The following CHRM3 variants were observed in gnomAD, a reference collection of about 807,000 sequenced individuals.
CHRM3 encodes the protein muscarinic acetylcholine receptor M3.
A neutral mutation model predicts 41.8 loss-of-function variants in CHRM3; 11 were observed. That is an observed-to-expected ratio of 0.26 (90% CI 0.17 to 0.44). CHRM3 has a LOEUF of 0.44. Among genes scored for constraint, CHRM3 ranks in the 20% least tolerant of loss-of-function variants. The pLI, the probability that CHRM3 is intolerant of heterozygous loss-of-function variation, is 1.00. For missense variants in CHRM3, 571 were observed against 745.4 expected (o/e 0.77, Z 2.72); for synonymous variants, 297 against 301.4 (o/e 0.99, Z 0.15).
At position 239,910,923 on chromosome 1, in the gene CHRM3, C is replaced by T. The variant is rs868668093; in HGVS notation, c.*1699C>T. 5.4e-5 allele frequency: 9 copies of T among 166,938 alleles called. No homozygotes were observed. Among genetic ancestry groups the T allele is most frequent in the African/African-American group, 1.4e-4 (6 of 41,392 alleles). 10.3% of individuals were successfully genotyped at this position (166,938 alleles called of 1,614,324 possible). On this transcript the variant is annotated 3_prime_UTR_variant, in exon 7 of 7. Coordinates refer to ENST00000676153, the MANE Select transcript of CHRM3 (RefSeq NM_001375978.1). ...TCTGTGTATCTGAACTATTTAATTT[C>T]GTGTTATGTTTATATGCAGAAATAT... is the stretch of plus-strand genomic sequence containing the variant.
intron 6 of CHRM3, among the ~76,000 whole-genome samples, chr1:239,839,045 C>T (rs1673566017): frequency 6.6e-6 from 1 of 152,200 alleles, no homozygotes; most frequent in Non-Finnish European, 1.5e-5. Context: ...TCCTCAAATA[C>T]ACAAAATCCA....
rs543025880 is a variant in CHRM3 at position 239,604,472 on chromosome 1, A to C, written c.-312-27752A>C. On this transcript the variant is annotated intron_variant, in intron 3 of 6. Transcript: ENST00000676153. ...TATGACTGAAATTATTGAGAAATGG[A>C]AAGATTGTCTATAGTATCCCACTGT... 3.3e-5 allele frequency among the ~76,000 whole-genome samples: 5 copies of C among 152,342 alleles called. No individual in the cohort carries two copies. The South Asian group carries it at 1.0e-3, about 32-fold the overall frequency.
chr1:239,415,411 G>C (rs942096541), intron 1 of CHRM3, among the ~76,000 whole-genome samples: 4 of 152,150 alleles, frequency 2.6e-5, no homozygotes, highest in African/African-American at 9.7e-5. Context: ...CTGTGCTCCA[G>C]CCTGGCCGAC....
chr1:239,437,704 G>A (rs1663384840), intron 1 of CHRM3, among the ~76,000 whole-genome samples: 1 of 151,860 alleles, frequency 6.6e-6, no homozygotes, highest in Non-Finnish European at 1.5e-5. Context: ...CTCTTATTGG[G>A]CCTGTGCACA....
Position 239,510,083 on chromosome 1 carries a change from CACAA to C in CHRM3, c.-422+17294_-422+17297del, listed in dbSNP as rs200189261. ...CAGCCTGGGCAGCATAAGACTCCGT[CACAA>C]ACAAACAAACAAACAAAGTTTTGAG... On this transcript the variant is annotated intron_variant, in intron 2 of 6. Transcript: ENST00000676153. Among the ~76,000 whole-genome samples the C allele has an allele frequency of 6.5e-3, 986 of 152,230 alleles. 8 individuals are homozygous for C. The highest frequency in any genetic ancestry group is 0.023 in the African/African-American group (943 of 41,522).
At chr1:239,733,597 T>G (rs760977000) in intron 5 of CHRM3, among the ~76,000 whole-genome samples, 1 of 152,152 alleles carries the variant, frequency 6.6e-6, no homozygotes, top group Admixed American at 6.6e-5. Context: ...CATATAGAGG[T>G]ATTTTAGTTT....
chr1:239,522,344 A>C (rs1041554444), intron 2 of CHRM3, among the ~76,000 whole-genome samples: 7 of 152,218 alleles, frequency 4.6e-5, no homozygotes, highest in African/African-American at 1.7e-4. Flanking sequence ...CCAACTTGCC[A>C]GCCATGTGAG....
At chr1:239,505,814 T>C (rs1668528931) in intron 2 of CHRM3, among the ~76,000 whole-genome samples, 1 of 152,194 alleles carries the variant, frequency 6.6e-6, no homozygotes, top group Non-Finnish European at 1.5e-5. Flanking sequence ...ACTTGTTGAA[T>C]GGCTTTGCCC....
intron 5 of CHRM3, among the ~76,000 whole-genome samples, chr1:239,742,831 T>C (rs889056439): frequency 6.6e-6 from 1 of 152,200 alleles, no homozygotes; most frequent in African/African-American, 2.4e-5. Flanking sequence ...CAAGATTCAC[T>C]CAGAAACCAT....
At chr1:239,743,956 G>A (rs1404888506) in intron 5 of CHRM3, among the ~76,000 whole-genome samples, 9 of 148,510 alleles carry the variant, frequency 6.1e-5, no homozygotes, top group Admixed American at 3.4e-4. Flanking sequence ...CACCATGCCC[G>A]GCTAATTTTT....
chr1:239,804,516 T>C (rs558348938), intron 5 of CHRM3, among the ~76,000 whole-genome samples: 58 of 152,288 alleles, frequency 3.8e-4, no homozygotes, highest in Non-Finnish European at 7.8e-4. Flanking sequence ...TACCACTTAT[T>C]ACTGTTGCCA....
Position 239,758,746 on chromosome 1 carries a change from C to T in CHRM3, c.-146-68506C>T, listed in dbSNP as rs561880964. Among the ~76,000 whole-genome samples the T allele has an allele frequency of 7.6e-4, 116 of 152,168 alleles. 1 individual carries two copies. The highest frequency in any genetic ancestry group is 2.4e-3 in the African/African-American group (101 of 41,506). On this transcript the variant is annotated intron_variant, in intron 5 of 6. Coordinates refer to ENST00000676153, the MANE Select transcript of CHRM3 (RefSeq NM_001375978.1). ...TTTTATAGTTCTAAGATATTTTTCC[C>T]CCTTAGAAAAACTCTTTGTTGACAG...
intron 5 of CHRM3, among the ~76,000 whole-genome samples, chr1:239,788,064 T>G (rs527265893): frequency 6.6e-6 from 1 of 152,092 alleles, no homozygotes; most frequent in East Asian, 1.9e-4. Flanking sequence ...AAGAGATTCC[T>G]CTCTACAACA....
chr1:239,889,553 A>G (rs996458010), intron 6 of CHRM3, among the ~76,000 whole-genome samples: 2 of 151,944 alleles, frequency 1.3e-5, no homozygotes, highest in African/African-American at 2.4e-5. Context: ...TTTTTATTAG[A>G]AAAAAAATGA....
chr1:239,871,126 C>T (rs1232698402), intron 6 of CHRM3, among the ~76,000 whole-genome samples: 1 of 152,116 alleles, frequency 6.6e-6, no homozygotes, highest in East Asian at 1.9e-4. Context: ...CAGTTGGGCT[C>T]ATACTAGAAT....
chr1:239,696,170 G>T (rs1231657952), intron 5 of CHRM3, among the ~76,000 whole-genome samples: 1 of 152,090 alleles, frequency 6.6e-6, no homozygotes, highest in Non-Finnish European at 1.5e-5. Flanking sequence ...TCCAGTTTCT[G>T]CATCATTAAG....
rs1210507333 is a variant in CHRM3 at position 239,404,410 on chromosome 1, A to AAGAAAGAAAGAG, written c.-521+17184_-521+17185insGAAAGAAAGAGA. On this transcript the variant is annotated intron_variant, in intron 1 of 6. Transcript: ENST00000676153. ...AAAGAAAGAAAGAAAGAAAGAAAGA[A>AAGAAAGAAAGAG]AAAGAAAGAAAGAAAGAAAGAAAGA... Among the ~76,000 whole-genome samples the AAGAAAGAAAGAG allele has an allele frequency of 1.2e-3, 62 of 51,770 alleles. 1 individual carries two copies. Among genetic ancestry groups the AAGAAAGAAAGAG allele is most frequent in the East Asian group, 3.1e-3 (4 of 1,270 alleles). The allele number at this position is 51,770 out of a possible 152,430, so 34.0% of individuals were successfully genotyped here.
chr1:239,682,047 A>G (rs1658621190), intron 5 of CHRM3, among the ~76,000 whole-genome samples: 1 of 152,272 alleles, frequency 6.6e-6, no homozygotes, highest in African/African-American at 2.4e-5. Flanking sequence ...TGTGTTTAAA[A>G]AAACAGCTGA....
chr1:239,660,163 GT>G (rs1473299492), intron 4 of CHRM3, among the ~76,000 whole-genome samples: 2 of 152,084 alleles, frequency 1.3e-5, no homozygotes, highest in Non-Finnish European at 2.9e-5. Flanking sequence ...ATTGTTTTTT[GT>G]AGAGATGGGG....
Sources: allele counts gnomAD v4.1 joint callset (sites outside exome capture counted in the v4.1 genomes callset), GRCh38; gene constraint gnomAD v4.1.1; transcripts MANE v1.5; gene names NCBI Gene and HGNC (gene_info 2026-07-23, HGNC 2026-07-21).